RTL4: variants seen among roughly 807,000 people sequenced by gnomAD.
RTL4 encodes the protein retrotransposon Gag like 4, also known as retrotransposon Gag-like protein 4.
RTL4 carries 4 observed loss-of-function variants against 5.3 expected under a neutral mutation model. That is an observed-to-expected ratio of 0.75 (90% CI 0.37 to 1.72). The LOEUF is 1.72. Among genes scored for constraint, RTL4 ranks in the 40% most tolerant of loss-of-function variants. RTL4 has a pLI of 0.04. For synonymous variants in RTL4, 98 were observed against 87.3 expected (o/e 1.12, Z -0.68); for missense variants, 260 against 227.1 (o/e 1.14, Z -0.93).
the RTL4 span, among the ~76,000 whole-genome samples, chrX:112,231,392 A>G: frequency 9.1e-6 from 1 of 110,385 alleles, no homozygotes; most frequent in Non-Finnish European, 1.9e-5. Context: ...CTATGCAGCC[A>G]TAAAAAAGGA....
At chrX:112,443,533 A>G in the RTL4 span, among the ~76,000 whole-genome samples, 2 of 111,990 alleles carry the variant, frequency 1.8e-5, no homozygotes, top group East Asian at 5.6e-4. Context: ...CAGTGGTTGT[A>G]CTAATTTACA....
At chrX:112,430,302 C>T in the RTL4 span, among the ~76,000 whole-genome samples, 1 of 110,256 alleles carries the variant, frequency 9.1e-6, no homozygotes, top group African/African-American at 3.3e-5. Context: ...TTTTTAAGCT[C>T]ATAGATTCCA....
chrX:112,414,884 C>G, the RTL4 span, among the ~76,000 whole-genome samples: 1 of 111,447 alleles, frequency 9.0e-6, no homozygotes. Flanking sequence ...TTCCACATCT[C>G]ATATTCCATT....
the RTL4 span, among the ~76,000 whole-genome samples, chrX:112,316,195 A>G: frequency 8.9e-6 from 1 of 112,325 alleles, no homozygotes; most frequent in African/African-American, 3.2e-5. Context: ...CTGATTATGA[A>G]TGATTCCTGT....
the RTL4 span, among the ~76,000 whole-genome samples, chrX:112,376,040 T>C: frequency 9.0e-6 from 1 of 111,301 alleles, no homozygotes; most frequent in Non-Finnish European, 1.9e-5. Flanking sequence ...CAGGACTGGA[T>C]ATGAGTAAGT....
the RTL4 span, among the ~76,000 whole-genome samples, chrX:112,195,760 A>C: frequency 9.0e-6 from 1 of 111,530 alleles, no homozygotes; most frequent in Admixed American, 9.6e-5. Flanking sequence ...CCTGATTCCT[A>C]GGATTTGTCT....
At chrX:112,345,134 C>A in the RTL4 span, among the ~76,000 whole-genome samples, 2 of 111,109 alleles carry the variant, frequency 1.8e-5, no homozygotes, top group Admixed American at 9.6e-5. Flanking sequence ...GGTGGTCTGC[C>A]TGTAGGTCAC....
At chrX:112,212,176 A>G in the RTL4 span, among the ~76,000 whole-genome samples, 1 of 111,761 alleles carries the variant, frequency 8.9e-6, no homozygotes, top group East Asian at 2.8e-4. Flanking sequence ...GGAGATCAAG[A>G]CCATCCTGGC....
chrX:112,358,400 A>T, the RTL4 span, among the ~76,000 whole-genome samples: 1 of 111,277 alleles, frequency 9.0e-6, no homozygotes, highest in Non-Finnish European at 1.9e-5. Context: ...AGGTGGTCAC[A>T]CTTAAGTGAC....
At chrX:112,098,872 C>G in the RTL4 span, among the ~76,000 whole-genome samples, 1 of 111,996 alleles carries the variant, frequency 8.9e-6, no homozygotes, top group South Asian at 3.7e-4. Context: ...ACACCTTATA[C>G]AAAAATTAAT....
At chrX:112,224,812 C>G in the RTL4 span, among the ~76,000 whole-genome samples, 1 of 111,456 alleles carries the variant, frequency 9.0e-6, no homozygotes, top group Admixed American at 9.5e-5. Flanking sequence ...TTCAATGTTG[C>G]ACTCCCTACC....
At chrX:112,229,685 G>A in the RTL4 span, among the ~76,000 whole-genome samples, 1 of 111,930 alleles carries the variant, frequency 8.9e-6, no homozygotes, top group Admixed American at 9.5e-5. Context: ...TCTCATAATT[G>A]ATGACATACA....
chrX:112,215,941 C>T, the RTL4 span, among the ~76,000 whole-genome samples: 3 of 111,812 alleles, frequency 2.7e-5, no homozygotes, highest in African/African-American at 9.8e-5. Context: ...TCTAATTTCT[C>T]ACCACTGAGT....
chrX:112,407,397 A>T, the RTL4 span, among the ~76,000 whole-genome samples: 15 of 111,647 alleles, frequency 1.3e-4, no homozygotes, highest in Non-Finnish European at 2.8e-4. Flanking sequence ...GGCAGTAACC[A>T]TGGAGTGAGG....
chrX:112,247,707 C>T, the RTL4 span, among the ~76,000 whole-genome samples: 1 of 112,397 alleles, frequency 8.9e-6, no homozygotes, highest in Admixed American at 9.5e-5. Context: ...TGCCAAAGCT[C>T]ATGTTCCTTC....
At chrX:112,228,272 G>A in the RTL4 span, among the ~76,000 whole-genome samples, 1 of 111,240 alleles carries the variant, frequency 9.0e-6, no homozygotes, top group African/African-American at 3.3e-5. Context: ...TAGCTGATGA[G>A]GGCAGGTACC....
At chrX:112,144,160 ATCT>A in the RTL4 span, among the ~76,000 whole-genome samples, 3 of 111,092 alleles carry the variant, frequency 2.7e-5, no homozygotes, top group East Asian at 8.5e-4. Flanking sequence ...ATTTGCTAAC[ATCT>A]TCTCTTGGGG....
At chrX:112,275,949 G>A in the RTL4 span, among the ~76,000 whole-genome samples, 4 of 111,913 alleles carry the variant, frequency 3.6e-5, no homozygotes, top group East Asian at 1.1e-3. Flanking sequence ...TTTTTTAAGA[G>A]TAAGCAAGCT....
chrX:112,308,608 T>A, the RTL4 span, among the ~76,000 whole-genome samples: 2 of 111,934 alleles, frequency 1.8e-5, no homozygotes, highest in African/African-American at 6.5e-5. Context: ...ATCTTTCTGG[T>A]CAGATTTCTC....
Sources: allele counts gnomAD v4.1 joint callset (sites outside exome capture counted in the v4.1 genomes callset), GRCh38; gene constraint gnomAD v4.1.1; transcripts MANE v1.5; gene names NCBI Gene and HGNC (gene_info 2026-07-23, HGNC 2026-07-21).